The following UBE3D variants were observed in gnomAD, a reference collection of about 807,000 sequenced individuals.
UBE3D encodes E3 ubiquitin-protein ligase E3D.
A neutral mutation model predicts 49.6 loss-of-function variants in UBE3D; 48 were observed. That is an observed-to-expected ratio of 0.97 (90% confidence interval 0.77 to 1.23). The LOEUF is 1.23. Ranked by LOEUF, UBE3D falls within the 50% of genes most tolerant of loss-of-function variation. UBE3D has a pLI of 0.00. For missense variants in UBE3D, 452 were observed against 468.4 expected (o/e 0.96, Z 0.32); for synonymous variants, 189 against 174.2 (o/e 1.08, Z -0.67).
chr6:82,906,995 A>G (rs1772147214), intron 9 of UBE3D, among the ~76,000 whole-genome samples: 1 of 152,232 alleles, frequency 6.6e-6, no homozygotes, highest in African/African-American at 2.4e-5. Context: ...GAAAATAGGA[A>G]TGGAAAAAAG....
At chr6:83,044,376 C>T (rs918471182) in intron 4 of UBE3D, 52 bp downstream of exon 4, 13 of 1,549,796 alleles carry the variant, frequency 8.4e-6, no homozygotes, top group East Asian at 2.2e-5. Flanking sequence ...TTGAAGAAGT[C>T]AGTATCTAAG....
intron 8 of UBE3D, among the ~76,000 whole-genome samples, chr6:82,998,552 G>A (rs1779402231): frequency 6.6e-6 from 1 of 152,196 alleles, no homozygotes; most frequent in Non-Finnish European, 1.5e-5. Context: ...CAGGGCATGT[G>A]TCTGAATAAG....
intron 3 of UBE3D, among the ~76,000 whole-genome samples, chr6:83,046,856 A>G (rs1161763776): frequency 2.0e-5 from 3 of 152,210 alleles, no homozygotes; most frequent in African/African-American, 7.2e-5. Flanking sequence ...AAACTGCTAC[A>G]AGAATAGATT....
intron 9 of UBE3D, among the ~76,000 whole-genome samples, chr6:82,954,624 T>C (rs1178456066): frequency 6.6e-6 from 1 of 152,162 alleles, no homozygotes; most frequent in Non-Finnish European, 1.5e-5. Flanking sequence ...ATTCTGCTAT[T>C]TTATAGCTCT....
At chr6:82,913,317 G>A (rs1772664679) in intron 9 of UBE3D, among the ~76,000 whole-genome samples, 1 of 152,206 alleles carries the variant, frequency 6.6e-6, no homozygotes, top group African/African-American at 2.4e-5. Flanking sequence ...TATTATGGCT[G>A]GGTTTTAGAG....
At chr6:83,024,954 TC>T (rs751810570) in intron 5 of UBE3D, among the ~76,000 whole-genome samples, 67 of 152,264 alleles carry the variant, frequency 4.4e-4, no homozygotes, top group Non-Finnish European at 8.7e-4. Flanking sequence ...GGGCCAGGAC[TC>T]TCTGTTTTTA....
At chr6:83,016,346 G>A (rs1780694259) in intron 8 of UBE3D, among the ~76,000 whole-genome samples, 2 of 152,138 alleles carry the variant, frequency 1.3e-5, no homozygotes, top group African/African-American at 4.8e-5. Flanking sequence ...CATGAGCGGT[G>A]AATCAGGAGT....
chr6:83,027,455 A>AAAAAAAAAAAAAAAAAAAAAAAAC (rs1781557596), intron 5 of UBE3D, among the ~76,000 whole-genome samples: 1 of 148,078 alleles, frequency 6.8e-6, no homozygotes, highest in Admixed American at 6.7e-5. Context: ...AAAAAAAAAA[A>AAAAAAAAAAAAAAAAAAAAAAAAC]AAAAAAGAAA....
intron 8 of UBE3D, among the ~76,000 whole-genome samples, chr6:82,983,683 A>G (rs868817411): frequency 3.3e-4 from 51 of 152,298 alleles, no homozygotes; most frequent in African/African-American, 1.2e-3. Context: ...CCCAGTTCTC[A>G]TGACACCAAC....
At chr6:82,887,389 G>GTTTTTGTTTTGTTTTTTTTTTTT in the UBE3D span, among the ~76,000 whole-genome samples, 12 of 98,330 alleles carry the variant, frequency 1.2e-4, no homozygotes, top group African/African-American at 4.6e-4. Flanking sequence ...GACAGTAACA[G>GTTTTTGTTTTGTTTTTTTTTTTT]TTTTTTTTTT....
In UBE3D at chr6:82,924,228, A is replaced by G. The variant is rs531954692; in HGVS notation, c.1150-31186T>C. Among the ~76,000 whole-genome samples, 2 of 152,280 alleles carry G rather than the reference A, an allele frequency of 1.3e-5. 1 individual carries two copies. Among genetic ancestry groups the G allele is most frequent in the South Asian group, 4.1e-4 (2 of 4,832 alleles). On this transcript the variant is annotated intron_variant, in intron 9 of 9. Transcript: ENST00000369747. The stretch of plus-strand genomic sequence containing the variant: ...TAAAAAGAAAAAGAAAACAAAACCC[A>G]GATATAGCCATTTTCTTGCAGAGCT...
At chr6:82,976,333 G>A (rs1425126995) in intron 8 of UBE3D, among the ~76,000 whole-genome samples, 2 of 152,194 alleles carry the variant, frequency 1.3e-5, no homozygotes, top group Non-Finnish European at 2.9e-5. Flanking sequence ...TGAAACAGCT[G>A]TTTTAACAGT....
intron 4 of UBE3D, among the ~76,000 whole-genome samples, chr6:83,040,399 CTCTCTATA>C (rs754948549): frequency 4.1e-5 from 4 of 96,566 alleles, no homozygotes; most frequent in Non-Finnish European, 9.4e-5. Flanking sequence ...CTCTCTCTCT[CTCTCTATA>C]TATATATATA....
chr6:83,065,632 C>T lies in UBE3D; in HGVS notation c.77+10G>A. ...GAGCTGGGCACTGCGCCTAGAATCCCAGTTCTTACCCCAGGATCAGAAGCG... is the reference window on the plus strand; with the variant it reads ...GAGCTGGGCACTGCGCCTAGAATCCTAGTTCTTACCCCAGGATCAGAAGCG... On this transcript the variant is annotated intron_variant, in intron 1 of 9. Transcript: ENST00000369747. 1 of 1,613,842 alleles carries T rather than the reference C, an allele frequency of 6.2e-7. No individual in the cohort carries two copies. Among genetic ancestry groups the T allele is most frequent in the Non-Finnish European group, 8.5e-7 (1 of 1,179,836 alleles).
intron 9 of UBE3D, among the ~76,000 whole-genome samples, chr6:82,919,617 T>TC (rs1773179360): frequency 6.6e-6 from 1 of 150,494 alleles, no homozygotes. Context: ...TAAAATAAAA[T>TC]AAAATAATAA....
chr6:82,943,969 G>A (rs189684444), intron 9 of UBE3D, among the ~76,000 whole-genome samples: 32 of 152,168 alleles, frequency 2.1e-4, no homozygotes, highest in African/African-American at 7.0e-4. Context: ...TCCCAGTGGT[G>A]GGAACTTGAG....
intron 6 of UBE3D, among the ~76,000 whole-genome samples, 168 bp downstream of exon 6, chr6:83,023,801 G>A (rs1781264183): frequency 6.6e-6 from 1 of 152,124 alleles, no homozygotes; most frequent in African/African-American, 2.4e-5. Flanking sequence ...TTGTGTGATG[G>A]ATGCACCCAA....
At chr6:82,915,603 C>T (rs900921908) in intron 9 of UBE3D, among the ~76,000 whole-genome samples, 2 of 152,158 alleles carry the variant, frequency 1.3e-5, no homozygotes, top group Admixed American at 1.3e-4. Flanking sequence ...TCCAACTCTA[C>T]CTCTCCCGCC....
intron 9 of UBE3D, among the ~76,000 whole-genome samples, chr6:82,916,790 C>A (rs950741710): frequency 1.4e-4 from 22 of 152,208 alleles, no homozygotes; most frequent in Non-Finnish European, 1.9e-4. Context: ...AAGGTACAAT[C>A]ACTTTCTGAT....
Sources: allele counts gnomAD v4.1 joint callset (sites outside exome capture counted in the v4.1 genomes callset), GRCh38; gene constraint gnomAD v4.1.1; transcripts MANE v1.5; gene names NCBI Gene and HGNC (gene_info 2026-07-23, HGNC 2026-07-21).